OSBPL10: variants seen among roughly 807,000 people sequenced by gnomAD.
The protein encoded by OSBPL10 is oxysterol binding protein like 10, also known as oxysterol-binding protein-related protein 10.
Under a neutral mutation model 81.7 loss-of-function variants are expected in OSBPL10, and 49 were observed. The observed-to-expected ratio is 0.60, with a 90% CI of 0.48 to 0.76. OSBPL10 has a LOEUF of 0.76. Among genes scored for constraint, OSBPL10 ranks in the 30% least tolerant of loss-of-function variants. OSBPL10 has a pLI of 0.00. For missense variants in OSBPL10, 923 were observed against 987.8 expected (o/e 0.93, Z 0.88); for synonymous variants, 419 against 383.6 (o/e 1.09, Z -1.08).
intron 4 of OSBPL10, among the ~76,000 whole-genome samples, chr3:31,810,433 T>C (rs1699650425): frequency 6.7e-6 from 1 of 149,198 alleles, no homozygotes; most frequent in African/African-American, 2.5e-5. Context: ...AAAATGTTTA[T>C]AATAATGACA....
chr3:31,669,293 AT>A (rs895062008), intron 9 of OSBPL10, among the ~76,000 whole-genome samples: 2 of 152,180 alleles, frequency 1.3e-5, no homozygotes, highest in African/African-American at 4.8e-5. Flanking sequence ...CAAAAAATTA[AT>A]TAAAAAAAAA....
chr3:31,669,528 T>A (rs1286809310), intron 9 of OSBPL10, among the ~76,000 whole-genome samples: 2 of 152,198 alleles, frequency 1.3e-5, no homozygotes, highest in African/African-American at 4.8e-5. Flanking sequence ...GAATGAAGGC[T>A]GAGCAAAACC....
chr3:31,954,715 T>C (rs924037256), intron 1 of OSBPL10, among the ~76,000 whole-genome samples: 1 of 152,214 alleles, frequency 6.6e-6, no homozygotes, highest in African/African-American at 2.4e-5. Flanking sequence ...TTGTCAAAAC[T>C]TAGCAATGTA....
At chr3:31,691,115 C>A (rs934689343) in intron 7 of OSBPL10, among the ~76,000 whole-genome samples, 2 of 151,986 alleles carry the variant, frequency 1.3e-5, no homozygotes, top group Non-Finnish European at 2.9e-5. Context: ...ATTTACCGAG[C>A]CATCAATAAA....
intron 2 of OSBPL10, among the ~76,000 whole-genome samples, chr3:32,038,789 T>C (rs1575090375): frequency 6.6e-6 from 1 of 152,294 alleles, no homozygotes; most frequent in East Asian, 1.9e-4. Flanking sequence ...TTACTAAAAA[T>C]CATTTAATTG....
chr3:31,977,928 G>C (rs948583300), intron 1 of OSBPL10, among the ~76,000 whole-genome samples: 10 of 152,130 alleles, frequency 6.6e-5, no homozygotes. Context: ...CTCCTGAGTT[G>C]AGCACGTTCC....
chr3:32,005,915 G>C (rs1259727745), intron 2 of OSBPL10, among the ~76,000 whole-genome samples: 1 of 151,512 alleles, frequency 6.6e-6, no homozygotes, highest in Non-Finnish European at 1.5e-5. Flanking sequence ...GTGGTGTCTT[G>C]TTTTACTTTA....
intron 3 of OSBPL10, among the ~76,000 whole-genome samples, chr3:31,854,076 A>G (rs1006934684): frequency 1.2e-4 from 18 of 152,148 alleles, no homozygotes; most frequent in African/African-American, 3.9e-4. Flanking sequence ...ATCTATCTGT[A>G]TAAAATATTG....
chr3:31,871,561 G>GACCA, intron 3 of OSBPL10, among the ~76,000 whole-genome samples: 1 of 152,276 alleles, frequency 6.6e-6, no homozygotes, highest in South Asian at 2.1e-4. Context: ...AGTTTCCTAA[G>GACCA]ACCACCCACT....
chr3:31,802,953 CAATG>C (rs1240829273), intron 4 of OSBPL10, among the ~76,000 whole-genome samples: 1 of 140,668 alleles, frequency 7.1e-6, no homozygotes, highest in Non-Finnish European at 1.5e-5. Flanking sequence ...CTTATTTAGA[CAATG>C]GTATTGGGTC....
intron 3 of OSBPL10, among the ~76,000 whole-genome samples, chr3:31,863,607 T>C (rs1701108706): frequency 1.3e-5 from 2 of 152,214 alleles, no homozygotes; most frequent in Non-Finnish European, 2.9e-5. Flanking sequence ...CCAAGAAAAG[T>C]ACTTAGCATA....
intron 4 of OSBPL10, among the ~76,000 whole-genome samples, chr3:31,756,446 G>A (rs373101948): frequency 6.6e-6 from 1 of 152,228 alleles, no homozygotes; most frequent in East Asian, 1.9e-4. Flanking sequence ...AGACAGTAAA[G>A]ACAGTTATAA....
intron 10 of OSBPL10, 86 bp from the exon 11 acceptor site, chr3:31,664,318 C>G: frequency 2.1e-6 from 3 of 1,422,898 alleles, no homozygotes; most frequent in Non-Finnish European, 2.9e-6. Flanking sequence ...GCCAGAGCAG[C>G]GAGGGGCCGC....
intron 5 of OSBPL10, among the ~76,000 whole-genome samples, chr3:31,745,825 C>T (rs188416929): frequency 1.3e-5 from 2 of 152,246 alleles, no homozygotes; most frequent in Admixed American, 1.3e-4. Context: ...AAAAGAAAAC[C>T]AAATTACCCA....
rs200532369 is a variant in OSBPL10, at chr3:31,990,953, A to G, written n.298+55538T>C. The G allele has an allele frequency of 1.5e-4, 233 of 1,575,124 alleles. No homozygotes were observed. Among genetic ancestry groups the G allele is most frequent in the Non-Finnish European group, 1.9e-4 (221 of 1,159,378 alleles). On this transcript the variant is annotated intron_variant and non_coding_transcript_variant, in intron 2 of 3. Coordinates refer to the OSBPL10 transcript ENST00000479173. ...ACCGGACAGAAATCTTACAAATGTC[A>G]TAAGCGTGGCAAGGTCTTCAGTTAG... is the stretch of plus-strand genomic sequence containing the variant.
intron 2 of OSBPL10, chr3:32,030,204 C>A (rs746280617): frequency 2.0e-5 from 5 of 246,804 alleles, no homozygotes; most frequent in Middle Eastern, 6.0e-4. Context: ...AAATGACGAA[C>A]GCCAAGGGAA....
chr3:31,902,461 C>T (rs1185626344), intron 1 of OSBPL10, among the ~76,000 whole-genome samples: 1 of 151,986 alleles, frequency 6.6e-6, no homozygotes, highest in Non-Finnish European at 1.5e-5. Context: ...CGGGGTTTCA[C>T]CATGTTGTCC....
At chr3:31,803,890 T>C (rs1373849380) in intron 4 of OSBPL10, among the ~76,000 whole-genome samples, 1 of 152,246 alleles carries the variant, frequency 6.6e-6, no homozygotes, top group Non-Finnish European at 1.5e-5. Flanking sequence ...CATGTTTTTA[T>C]GTCTTTATTA....
At chr3:31,940,654 T>C (rs193141080) in intron 1 of OSBPL10, among the ~76,000 whole-genome samples, 1 of 152,198 alleles carries the variant, frequency 6.6e-6, no homozygotes, top group Admixed American at 6.5e-5. Context: ...CATACTGAAG[T>C]TCTTATCTTT....
Sources: gnomAD v4.1 joint callset for allele counts (sites outside exome capture counted in the v4.1 genomes callset) on GRCh38, gnomAD v4.1.1 for gene constraint, MANE v1.5 for transcripts, NCBI Gene and HGNC (gene_info 2026-07-23, HGNC 2026-07-21) for gene names.